Variants in GRM8 observed in about 807,000 individuals in gnomAD.
GRM8 encodes glutamate metabotropic receptor 8.
In GRM8, 47 loss-of-function variants were observed where a neutral mutation model predicts 87.2. The ratio of observed to expected loss-of-function variants is 0.54; its 90% CI spans 0.43 to 0.69. The LOEUF is 0.69. Among genes scored for constraint, GRM8 ranks in the 30% least tolerant of loss-of-function variants. The probability of loss-of-function intolerance (pLI) is 0.00; values close to 1 mark genes in which losing one functional copy is unlikely to be tolerated. For synonymous variants in GRM8, 396 were observed against 404.5 expected (o/e 0.98, Z 0.25); for missense variants, 1,019 against 1,139.2 (o/e 0.89, Z 1.52).
intron 3 of GRM8, among the ~76,000 whole-genome samples, chr7:126,947,053 G>T (rs952833744): frequency 6.6e-6 from 1 of 152,122 alleles, no homozygotes; most frequent in African/African-American, 2.4e-5. Flanking sequence ...ACTAACTGAG[G>T]CTTAAGTGGG....
intron 8 of GRM8, among the ~76,000 whole-genome samples, chr7:126,593,211 C>G (rs1466366947): frequency 1.3e-5 from 2 of 151,916 alleles, no homozygotes; most frequent in African/African-American, 4.8e-5. Flanking sequence ...TCAATGCAAT[C>G]CCTATCAAAA....
chr7:126,479,868 C>T (rs1454941139), intron 9 of GRM8, among the ~76,000 whole-genome samples: 1 of 152,006 alleles, frequency 6.6e-6, no homozygotes, highest in Non-Finnish European at 1.5e-5. Context: ...ATATTATAAT[C>T]TCAGCAATAT....
chr7:127,054,284 C>A (rs1819767283), intron 3 of GRM8, among the ~76,000 whole-genome samples: 1 of 152,008 alleles, frequency 6.6e-6, no homozygotes, highest in Non-Finnish European at 1.5e-5. Flanking sequence ...AATGAGGGCC[C>A]AAAATGAGAA....
intron 7 of GRM8, among the ~76,000 whole-genome samples, chr7:126,668,490 C>A (rs1000220073): frequency 6.6e-6 from 1 of 151,906 alleles, no homozygotes; most frequent in African/African-American, 2.4e-5. Context: ...CTTCCTTTTT[C>A]GAGACCCACC....
intron 3 of GRM8, among the ~76,000 whole-genome samples, chr7:126,973,106 T>A (rs1030905478): frequency 6.6e-6 from 1 of 152,158 alleles, no homozygotes; most frequent in Non-Finnish European, 1.5e-5. Context: ...GTGGTCTTAA[T>A]AGGTCTAATA....
chr7:126,657,673 G>A (rs1426402687), intron 7 of GRM8, among the ~76,000 whole-genome samples: 2 of 152,180 alleles, frequency 1.3e-5, no homozygotes, highest in African/African-American at 4.8e-5. Flanking sequence ...AACATAACAG[G>A]TCAAAAGTAT....
intron 2 of GRM8, among the ~76,000 whole-genome samples, chr7:127,119,040 G>A (rs1053961967): frequency 2.0e-5 from 3 of 152,158 alleles, no homozygotes; most frequent in African/African-American, 7.2e-5. Context: ...GGCCCAGTTG[G>A]GTACCAACAA....
At chr7:127,244,783 C>T (rs1293314853) in intron 1 of GRM8, among the ~76,000 whole-genome samples, 4 of 152,120 alleles carry the variant, frequency 2.6e-5, no homozygotes, top group African/African-American at 9.7e-5. Context: ...TATGCCCAAA[C>T]ACCTTCAAAG....
At chr7:126,923,331 T>A (rs1402570271) in intron 3 of GRM8, among the ~76,000 whole-genome samples, 2 of 152,196 alleles carry the variant, frequency 1.3e-5, no homozygotes, top group Non-Finnish European at 2.9e-5. Flanking sequence ...CATCTGCTTT[T>A]CATGTAAGTC....
At chr7:126,648,068 A>G (rs1803369063) in intron 7 of GRM8, among the ~76,000 whole-genome samples, 1 of 151,916 alleles carries the variant, frequency 6.6e-6, no homozygotes, top group Non-Finnish European at 1.5e-5. Flanking sequence ...ATCCTACCTC[A>G]TTTCACCTCC....
At chr7:126,474,121 C>T (rs1805622022) in intron 9 of GRM8, among the ~76,000 whole-genome samples, 1 of 152,198 alleles carries the variant, frequency 6.6e-6, no homozygotes, top group African/African-American at 2.4e-5. Context: ...CAGTTGATGT[C>T]CTAAAACAAT....
chr7:127,083,833 C>G (rs1008089264), intron 3 of GRM8, among the ~76,000 whole-genome samples: 8 of 152,118 alleles, frequency 5.3e-5, no homozygotes, highest in Non-Finnish European at 1.0e-4. Context: ...AAAGTACCTT[C>G]ATCCCTGTCC....
intron 6 of GRM8, among the ~76,000 whole-genome samples, chr7:126,817,307 G>A (rs1793886556): frequency 6.6e-6 from 1 of 151,868 alleles, no homozygotes; most frequent in South Asian, 2.1e-4. Context: ...ATAATTTCTT[G>A]CTATTTTAAT....
At chr7:126,634,591 G>C (rs77326558) in intron 7 of GRM8, among the ~76,000 whole-genome samples, 2 of 151,962 alleles carry the variant, frequency 1.3e-5, no homozygotes, top group Non-Finnish European at 2.9e-5. Flanking sequence ...GTACCAGAGC[G>C]CTTTCTAACA....
chr7:126,945,767 T>C (rs1368738041), intron 3 of GRM8, among the ~76,000 whole-genome samples: 1 of 152,212 alleles, frequency 6.6e-6, no homozygotes, highest in Non-Finnish European at 1.5e-5. Flanking sequence ...AAATATATTA[T>C]AAAGTCTACC....
intron 9 of GRM8, among the ~76,000 whole-genome samples, chr7:126,477,042 TAGATTATTATTC>T (rs2150577282): frequency 6.6e-6 from 1 of 152,274 alleles, no homozygotes; most frequent in South Asian, 2.1e-4. Context: ...AATTCTTTAA[TAGATTATTATTC>T]AGCCTTAAAA....
At chr7:127,202,323 G>A (rs1033027813) in intron 2 of GRM8, among the ~76,000 whole-genome samples, 6 of 152,060 alleles carry the variant, frequency 3.9e-5, no homozygotes, top group South Asian at 2.1e-4. Flanking sequence ...GATTACCTGC[G>A]TGTGCCACCA....
At chr7:126,799,667 C>T (rs752029391) in intron 6 of GRM8, among the ~76,000 whole-genome samples, 1 of 152,108 alleles carries the variant, frequency 6.6e-6, no homozygotes, top group Admixed American at 6.6e-5. Context: ...GATTCCCCAG[C>T]TGGGGCACTC....
intron 6 of GRM8, among the ~76,000 whole-genome samples, chr7:126,819,407 C>T (rs1794095370): frequency 6.6e-6 from 1 of 152,116 alleles, no homozygotes; most frequent in South Asian, 2.1e-4. Flanking sequence ...CCTACAAATA[C>T]ACTCACAAAG....
Sources: allele counts gnomAD v4.1 joint callset (sites outside exome capture counted in the v4.1 genomes callset), GRCh38; gene constraint gnomAD v4.1.1; transcripts MANE v1.5; gene names NCBI Gene and HGNC (gene_info 2026-07-23, HGNC 2026-07-21).